The following BAHD1 variants were observed in gnomAD, a reference collection of about 807,000 sequenced individuals.
BAHD1 encodes bromo adjacent homology domain-containing 1 protein.
A neutral mutation model predicts 63.1 loss-of-function variants in BAHD1; 20 were observed. The ratio of observed to expected loss-of-function variants is 0.32; its 90% CI spans 0.22 to 0.46. BAHD1 has a LOEUF of 0.46. Ranked by LOEUF, BAHD1 falls within the 20% of genes least tolerant of loss-of-function variation. The probability of loss-of-function intolerance (pLI) is 1.00; values close to 1 mark genes in which losing one functional copy is unlikely to be tolerated. For missense variants in BAHD1, 939 were observed against 1,071.8 expected (o/e 0.88, Z 1.73); for synonymous variants, 408 against 426.8 (o/e 0.96, Z 0.54).
At position 40,467,324 on chromosome 15, in the gene BAHD1, GA is replaced by G. The variant is rs1347207541; in HGVS notation, c.*1195del. 1.3e-5 allele frequency: 2 copies of G among 153,064 alleles called. No individual in the cohort carries two copies. The highest frequency in any genetic ancestry group is 1.3e-4 in the Admixed American group (2 of 15,300). The allele number at this position is 153,064 out of a possible 1,614,324, so 9.5% of individuals were successfully genotyped here. On this transcript the variant is annotated 3_prime_UTR_variant, in exon 7 of 7. Transcript: ENST00000416165. The stretch of plus-strand genomic sequence containing the variant: ...CTTGGCCCTGGCCCTGAGACTCTGT[GA>G]GGGGGCTGGAGCAGCCTGGTTATTT...
intron 1 of BAHD1, among the ~76,000 whole-genome samples, chr15:40,446,416 G>A (rs981752337): frequency 3.3e-5 from 5 of 152,206 alleles, no homozygotes; most frequent in Non-Finnish European, 7.3e-5. Context: ...GTCACATCCA[G>A]GACTTTGTGT....
chr15:40,464,943 A>T, intron 5 of BAHD1: 3 of 377,772 alleles, frequency 7.9e-6, no homozygotes, highest in Non-Finnish European at 1.5e-5. Context: ...TAGGCTCTCC[A>T]CCAAGCTGTG....
At chr15:40,463,010 A>C (rs966016629) in intron 3 of BAHD1, among the ~76,000 whole-genome samples, 2 of 151,982 alleles carry the variant, frequency 1.3e-5, no homozygotes, top group Admixed American at 1.3e-4. Flanking sequence ...TATTAACTAA[A>C]ATTTATTGAG....
In BAHD1 at chr15:40,450,871, C is replaced by T. The variant is rs148390702; in HGVS notation, c.-14-7580C>T. 8.5e-3 allele frequency among the ~76,000 whole-genome samples: 1,295 copies of T among 152,228 alleles called. 17 individuals are homozygous for T. The highest frequency in any genetic ancestry group is 0.03 in the African/African-American group (1,239 of 41,520). ...TTAGCTTTTGGGCCGGGCTCAGTGG[C>T]TCACATTTGTAATCCTAACACTTTG... is the stretch of plus-strand genomic sequence containing the variant. On this transcript the variant is annotated intron_variant, in intron 1 of 6. Coordinates refer to ENST00000416165, the MANE Select transcript of BAHD1 (RefSeq NM_014952.5).
intron 4 of BAHD1, 120 bp from the exon 5 acceptor site, chr15:40,464,351 G>A: frequency 1.2e-6 from 1 of 849,172 alleles, no homozygotes; most frequent in East Asian, 2.7e-5. Context: ...GGGGACATGG[G>A]TTGCCGGAGC....
At chr15:40,440,104 G>C (rs1238533636), upstream of BAHD1, 1 of 152,426 alleles carries the variant, frequency 6.6e-6, no homozygotes, top group Non-Finnish European at 1.5e-5. Context: ...AGGGTGTGTG[G>C]GTGTCAAGGA....
At chr15:40,438,933 G>A (rs961068598), upstream of BAHD1, among the ~76,000 whole-genome samples, 15 of 152,228 alleles carry the variant, frequency 9.9e-5, no homozygotes, top group African/African-American at 3.6e-4. Context: ...TGCCCCCGTG[G>A]CCACCACTGC....
At chr15:40,452,346 A>C (rs993553857) in intron 1 of BAHD1, among the ~76,000 whole-genome samples, 8 of 152,218 alleles carry the variant, frequency 5.3e-5, no homozygotes, top group African/African-American at 1.9e-4. Context: ...TCTGCTCTGC[A>C]TGGGTGCCTC....
At chr15:40,438,810 C>G (rs184048838), upstream of BAHD1, among the ~76,000 whole-genome samples, 1 of 152,366 alleles carries the variant, frequency 6.6e-6, no homozygotes, top group East Asian at 1.9e-4. Flanking sequence ...TTCTGGCCCT[C>G]CCGGCCTCCA....
intron 3 of BAHD1, 54 bp from the exon 4 acceptor site, chr15:40,463,807 C>G: frequency 6.3e-7 from 1 of 1,597,708 alleles, no homozygotes; most frequent in South Asian, 1.1e-5. Context: ...TCTCTCTGTC[C>G]TTACTCTGAG....
At chr15:40,454,028 T>A (rs550710141) in intron 1 of BAHD1, 1 of 152,324 alleles carries the variant, frequency 6.6e-6, no homozygotes, top group African/African-American at 2.4e-5. Context: ...AAAAGCAAAA[T>A]TTAAAGTGTA....
intron 3 of BAHD1, among the ~76,000 whole-genome samples, chr15:40,462,696 C>T (rs554559747): frequency 4.6e-5 from 7 of 152,164 alleles, no homozygotes; most frequent in African/African-American, 1.7e-4. Flanking sequence ...GAGAACATCT[C>T]GGATGATGAA....
intron 5 of BAHD1, chr15:40,465,103 A>G (rs758278480): frequency 3.4e-5 from 19 of 553,082 alleles, no homozygotes; most frequent in Non-Finnish European, 5.8e-5. Flanking sequence ...GGTCAGTGAC[A>G]ATCAGGGGCT....
In BAHD1 at chr15:40,463,404, C is replaced by T. The variant is rs374967702; in HGVS notation, c.1816-457C>T. Among the ~76,000 whole-genome samples, 489 of 152,368 alleles carry T rather than the reference C, an allele frequency of 3.2e-3. 9 individuals are homozygous for T. Among genetic ancestry groups the T allele is most frequent in the South Asian group, 0.032 (154 of 4,828 alleles). ...TGTAAGTATTATGCCCTTTAATCCT[C>T]ACCACTACCCTATGTGGTATATATC... On this transcript the variant is annotated intron_variant, in intron 3 of 6. Coordinates refer to ENST00000416165, the MANE Select transcript of BAHD1 (RefSeq NM_014952.5).
chr15:40,440,285 AAGG>A (rs1378919723), upstream of BAHD1, among the ~76,000 whole-genome samples: 7 of 152,118 alleles, frequency 4.6e-5, no homozygotes, highest in Non-Finnish European at 1.0e-4. Context: ...CTGGAAAGGA[AAGG>A]AGACGTGGCA....
intron 1 of BAHD1, among the ~76,000 whole-genome samples, chr15:40,455,602 G>A (rs1315572485): frequency 6.6e-5 from 10 of 152,222 alleles, no homozygotes; most frequent in Admixed American, 6.5e-4. Context: ...AACGCTTCCA[G>A]TAGCCAGGCC....
intron 1 of BAHD1, among the ~76,000 whole-genome samples, chr15:40,449,591 G>T (rs796772617): frequency 2.0e-5 from 3 of 152,046 alleles, no homozygotes; most frequent in African/African-American, 7.3e-5. Flanking sequence ...CTTGAGGCTA[G>T]GACTTTGAGA....
intron 5 of BAHD1, 111 bp from the exon 6 acceptor site, chr15:40,465,224 G>A: frequency 1.1e-6 from 1 of 895,532 alleles, no homozygotes; most frequent in South Asian, 1.5e-5. Context: ...AGGGAAGCTT[G>A]CTGGAGTCAT....
At chr15:40,444,003 TC>T (rs1893470473) in intron 1 of BAHD1, among the ~76,000 whole-genome samples, 1 of 152,268 alleles carries the variant, frequency 6.6e-6, no homozygotes, top group African/African-American at 2.4e-5. Flanking sequence ...AACATAGTCA[TC>T]CCCGCCTGAG....
Sources: gnomAD v4.1 joint callset for allele counts (sites outside exome capture counted in the v4.1 genomes callset) on GRCh38, gnomAD v4.1.1 for gene constraint, MANE v1.5 for transcripts, NCBI Gene and HGNC (gene_info 2026-07-23, HGNC 2026-07-21) for gene names.